Variants in NEK2 observed in about 807,000 individuals in gnomAD.
NEK2 encodes serine/threonine-protein kinase Nek2.
NEK2 carries 28 observed loss-of-function variants against 54.1 expected under a neutral mutation model. The observed-to-expected ratio is 0.52, with a 90% CI of 0.38 to 0.71. The LOEUF is 0.71. Ranked by LOEUF, NEK2 falls within the 30% of genes least tolerant of loss-of-function variation. The probability of loss-of-function intolerance (pLI) is 0.00; values close to 1 mark genes in which losing one functional copy is unlikely to be tolerated. For synonymous variants in NEK2, 176 were observed against 193.1 expected, an observed-to-expected ratio of 0.91 and a Z score of 0.73; for missense variants, 407 against 531.5, an observed-to-expected ratio of 0.77 and a Z score of 2.30.
chr1:211,671,170 TTAGAC>T (rs1655375226), intron 4 of NEK2, 27 bp downstream of exon 4: 1 of 1,550,526 alleles, frequency 6.4e-7, no homozygotes, highest in Non-Finnish European at 8.9e-7. Context: ...AGTACAAACC[TTAGAC>T]TAGGAATCTG....
downstream of NEK2, chr1:211,661,137 C>A (rs1469575918): frequency 2.7e-6 from 2 of 744,952 alleles, no homozygotes; most frequent in Non-Finnish European, 5.0e-6. Flanking sequence ...GATAGCATCT[C>A]CTGTCTCTGG....
At position 211,673,506 on chromosome 1, in the gene NEK2, C is replaced by T. The variant is rs1322011011; in HGVS notation, c.532G>A (p.Gly178Ser). 8.1e-6 allele frequency: 13 copies of T among 1,613,800 alleles called. No homozygotes were observed. The highest frequency in any genetic ancestry group is 1.1e-5 in the Non-Finnish European group (13 of 1,179,874). ...ACAGGAGACATGTAATAAGGTGTGC[C>T]AACAAATGTTTTTGCAAAACTCGTG... Reference protein sequence around the residue: ...HDTSFAKTFVGTPYYMSPEQM... With the variant: ...HDTSFAKTFVSTPYYMSPEQM... Residue 178 changes from glycine to serine, a missense_variant, in exon 3 of 8, where the codon GGC (glycine) becomes AGC (serine). Coordinates refer to ENST00000366999, the MANE Select transcript of NEK2 (RefSeq NM_002497.4).
At position 211,673,362 on chromosome 1, in the gene NEK2, C is replaced by T; in HGVS notation, c.555+121G>A. The T allele has an allele frequency of 5.0e-6, 6 of 1,210,616 alleles. No homozygotes were observed. In the South Asian group the frequency reaches 8.7e-5, roughly 18 times the overall value. The allele number at this position is 1,210,616 out of a possible 1,614,324, so 75.0% of individuals were successfully genotyped here. ...CTGGGAGGCAGAGATTGCAGTGAGCCCAGATCGCACCACTGCACTCCAGCC... is the reference window on the plus strand; with the variant it reads ...CTGGGAGGCAGAGATTGCAGTGAGCTCAGATCGCACCACTGCACTCCAGCC... On this transcript the variant is annotated intron_variant, in intron 3 of 7. Transcript: ENST00000366999.
chr1:211,675,462 C>T lies in NEK2; in HGVS notation c.18G>A (p.Glu6=). The change falls in exon 1 of 8, where the codon GAG becomes GAA. Residue 6 remains glutamate (E), a synonymous_variant. Transcript: ENST00000366999. The part of the protein sequence containing the change: MPSRA[E]DYEVLYTIGT... ...CAATGGTGTACAACACTTCATAGTC[C>T]TCAGCCCGGGAAGGCATGGCCGGCC... 4 of 1,613,490 alleles carry T rather than the reference C, an allele frequency of 2.5e-6. No homozygotes were observed. Among genetic ancestry groups the T allele is most frequent in the African/African-American group, 1.3e-5 (1 of 75,048 alleles).
At chr1:211,665,207 A>G (rs998358512) in intron 7 of NEK2, among the ~76,000 whole-genome samples, 21 of 152,142 alleles carry the variant, frequency 1.4e-4, no homozygotes, top group African/African-American at 5.1e-4. Flanking sequence ...GAATATTTCC[A>G]ACTGTCCTGA....
At chr1:211,667,064 A>G (rs753289082) in intron 7 of NEK2, 42 bp downstream of exon 7, 4 of 1,612,208 alleles carry the variant, frequency 2.5e-6, no homozygotes, top group Non-Finnish European at 3.4e-6. Context: ...ACATTTCTTC[A>G]TTTGTAGCAC....
chr1:211,660,710 G>T, downstream of NEK2: 1 of 674,164 alleles, frequency 1.5e-6, no homozygotes, highest in South Asian at 1.4e-5. Context: ...GATCCACATT[G>T]CCCTGGGGGT....
At chr1:211,667,433 A>G (rs947373629) in intron 6 of NEK2, among the ~76,000 whole-genome samples, 1 of 152,148 alleles carries the variant, frequency 6.6e-6, no homozygotes, top group African/African-American at 2.4e-5. Flanking sequence ...GTTATCTTAG[A>G]TTTTCTTGAA....
At chr1:211,666,123 G>A (rs765695526) in intron 7 of NEK2, among the ~76,000 whole-genome samples, 15 of 151,718 alleles carry the variant, frequency 9.9e-5, no homozygotes, top group Admixed American at 5.2e-4. Flanking sequence ...TCTATAAAAT[G>A]GAGAATGTTA....
At chr1:211,668,063 A>G (rs1655234299) in intron 6 of NEK2, among the ~76,000 whole-genome samples, 1 of 152,136 alleles carries the variant, frequency 6.6e-6, no homozygotes, top group South Asian at 2.1e-4. Flanking sequence ...AAAAAAGAAA[A>G]GAAATTATGA....
At chr1:211,673,112 A>T (rs986542952) in intron 3 of NEK2, among the ~76,000 whole-genome samples, 1 of 151,890 alleles carries the variant, frequency 6.6e-6, no homozygotes, top group African/African-American at 2.4e-5. Flanking sequence ...AATGCTTAAC[A>T]TTAAAAGATG....
downstream of NEK2, chr1:211,658,534 T>C: frequency 2.6e-6 from 1 of 378,860 alleles, no homozygotes; most frequent in East Asian, 9.1e-5. Flanking sequence ...CTCATACCTG[T>C]AATCCCAGCC....
At chr1:211,667,319 A>G (rs750776088) in intron 6 of NEK2, 88 bp from the exon 7 acceptor site, 9 of 1,259,906 alleles carry the variant, frequency 7.1e-6, no homozygotes, top group African/African-American at 1.5e-5. Flanking sequence ...TATCACTACT[A>G]GCATGCCTGA....
At chr1:211,673,368 C>T (rs752505830) in intron 3 of NEK2, 115 bp downstream of exon 3, 29 of 1,262,636 alleles carry the variant, frequency 2.3e-5, no homozygotes, top group Middle Eastern at 2.1e-4. Context: ...GAGCCCAGAT[C>T]GCACCACTGC....
downstream of NEK2, among the ~76,000 whole-genome samples, chr1:211,659,753 C>G (rs12037104): frequency 6.6e-6 from 1 of 151,926 alleles, no homozygotes; most frequent in Non-Finnish European, 1.5e-5. Context: ...CCAAGGCAGG[C>G]GAATGATACA....
chr1:211,660,719 G>GCCAAGATCCACAT, downstream of NEK2: 1 of 676,954 alleles, frequency 1.5e-6, no homozygotes, highest in Admixed American at 1.8e-5. Flanking sequence ...TGCCCTGGGG[G>GCCAAGATCCACAT]TGCTGTGATG....
In NEK2 at chr1:211,669,345, T is replaced by TA. The variant is rs754427638; in HGVS notation, c.766-14dup. On this transcript the variant is annotated splice_polypyrimidine_tract_variant and intron_variant, in intron 5 of 7. Coordinates refer to ENST00000366999, the MANE Select transcript of NEK2 (RefSeq NM_002497.4). ...GTCGATGGTAATCCTGGGGAAAAAA[T>TA]ACTCAGTATTATAGTCAGATTGCAT... The TA allele has an allele frequency of 4.4e-6, 7 of 1,605,708 alleles. No individual in the cohort carries two copies. In the South Asian group the frequency reaches 7.7e-5, roughly 18 times the overall value.
downstream of NEK2, chr1:211,662,726 C>A: frequency 3.2e-5 from 30 of 924,440 alleles, no homozygotes; most frequent in Non-Finnish European, 3.6e-5. The surrounding 1 kb of genome is among the most constrained non-coding windows in gnomAD (Gnocchi z 4.2). Context: ...AAATCATAAA[C>A]ACAACTCCCA....
At chr1:211,661,027 T>C (rs1655006119), downstream of NEK2, 1 of 740,046 alleles carries the variant, frequency 1.4e-6, no homozygotes, top group Non-Finnish European at 2.5e-6. Context: ...AGCATCCTGT[T>C]TCCTTGGCTC....
Sources: allele counts gnomAD v4.1 joint callset (sites outside exome capture counted in the v4.1 genomes callset), GRCh38; gene constraint gnomAD v4.1.1; non-coding constraint Gnocchi (gnomAD v3.1); transcripts MANE v1.5; gene names NCBI Gene and HGNC (gene_info 2026-07-23, HGNC 2026-07-21).